FSTL5: variants seen among roughly 807,000 people sequenced by gnomAD.
FSTL5 encodes follistatin like 5, also known as follistatin-related protein 5.
In FSTL5, 62 loss-of-function variants were observed where a neutral mutation model predicts 89.1. That is an observed-to-expected ratio of 0.70 (90% CI 0.57 to 0.86). The LOEUF (loss-of-function observed/expected upper bound fraction) is 0.86, where lower values mean the gene tolerates loss of function less well. Among genes scored for constraint, FSTL5 ranks in the 40% least tolerant of loss-of-function variants. The pLI is 0.00. For missense variants in FSTL5, 1,057 were observed against 1,001.6 expected, an observed-to-expected ratio of 1.06 and a Z score of -0.75; for synonymous variants, 383 against 346.2, an observed-to-expected ratio of 1.11 and a Z score of -1.18.
intron 1 of FSTL5, 103 bp downstream of exon 1, chr4:162,163,512 T>C (rs1447203352): frequency 6.7e-6 from 1 of 149,564 alleles, no homozygotes; most frequent in African/African-American, 2.4e-5. Context: ...AAAAGTCCAG[T>C]TTCAAATTAT....
At chr4:161,798,998 C>T (rs1485945475) in intron 4 of FSTL5, among the ~76,000 whole-genome samples, 1 of 151,554 alleles carries the variant, frequency 6.6e-6, no homozygotes, top group Non-Finnish European at 1.5e-5. Flanking sequence ...AAAAGGTAAA[C>T]CCTATATTAG....
At chr4:161,859,494 T>A (rs28600091) in intron 4 of FSTL5, among the ~76,000 whole-genome samples, 68 of 152,344 alleles carry the variant, frequency 4.5e-4, no homozygotes, top group African/African-American at 1.6e-3. Flanking sequence ...TAATAACTGT[T>A]ACTCTAAAAT....
At chr4:161,950,605 G>A (rs1246917849) in intron 3 of FSTL5, among the ~76,000 whole-genome samples, 1 of 152,096 alleles carries the variant, frequency 6.6e-6, no homozygotes. Flanking sequence ...AGTTTACCTC[G>A]CATGAGTTCT....
chr4:161,472,223 C>T (rs541853940), intron 13 of FSTL5, among the ~76,000 whole-genome samples: 31 of 152,168 alleles, frequency 2.0e-4, no homozygotes, highest in Middle Eastern at 3.4e-3. Context: ...GTGATCTGCC[C>T]GCCTTGGCCT....
At chr4:162,070,535 G>T (rs1729574672) in intron 2 of FSTL5, among the ~76,000 whole-genome samples, 1 of 151,606 alleles carries the variant, frequency 6.6e-6, no homozygotes, top group African/African-American at 2.4e-5. Context: ...GAATATTGTG[G>T]GATATAGGAG....
At chr4:161,532,033 T>A (rs920885225) in intron 10 of FSTL5, among the ~76,000 whole-genome samples, 5 of 151,826 alleles carry the variant, frequency 3.3e-5, no homozygotes, top group African/African-American at 7.3e-5. Flanking sequence ...TGAAACCCCG[T>A]CTCTACTAAA....
chr4:161,506,284 G>A (rs1730480260), intron 11 of FSTL5, among the ~76,000 whole-genome samples: 2 of 151,142 alleles, frequency 1.3e-5, no homozygotes, highest in South Asian at 4.2e-4. Context: ...TATTGCCTAG[G>A]CTGTTCTCAA....
At position 161,542,637 on chromosome 4, in the gene FSTL5, C is replaced by G. The variant is rs2126545138; in HGVS notation, c.1072G>C (p.Ala358Pro). ...ESQAREPGVTASLRCHAEGIP... is the reference protein window; with the variant it reads ...ESQAREPGVTPSLRCHAEGIP... ...CCCTCTGCATGGCACCTAAGACTGG[C>G]AGTTACCCCAGGCTCTCTAGCCTGA... Residue 358 changes from alanine to proline, a missense_variant, in exon 9 of 16, where the codon GCC becomes CCC. Physicochemically the swap from Ala to Pro is conservative, Grantham distance 27 (BLOSUM62 -1). Around this residue, in one of 3 missense-constraint regions of FSTL5, gnomAD observed 980 missense variants for 903.2 expected, o/e 1.08. Transcript: ENST00000306100. 6.4e-7 allele frequency: 1 copy of G among 1,560,932 alleles called. No homozygotes were observed. Among genetic ancestry groups the G allele is most frequent in the South Asian group, 1.2e-5 (1 of 83,858 alleles).
At chr4:161,401,124 A>AT (rs1177488124) in intron 15 of FSTL5, among the ~76,000 whole-genome samples, 1 of 152,194 alleles carries the variant, frequency 6.6e-6, no homozygotes, top group Non-Finnish European at 1.5e-5. Context: ...AGGTATAGTT[A>AT]TTTTAGAGAT....
At chr4:161,843,964 G>T (rs1191548003) in intron 4 of FSTL5, among the ~76,000 whole-genome samples, 1 of 152,064 alleles carries the variant, frequency 6.6e-6, no homozygotes, top group African/African-American at 2.4e-5. Flanking sequence ...TTAAACTAAA[G>T]AGCTTCTGCA....
chr4:161,859,512 A>G (rs550083486), intron 4 of FSTL5, among the ~76,000 whole-genome samples: 16 of 152,366 alleles, frequency 1.1e-4, no homozygotes, highest in African/African-American at 2.9e-4. Context: ...AATAGGAACT[A>G]CTTTATACAT....
chr4:161,673,832 A>T (rs1246431859), intron 6 of FSTL5, among the ~76,000 whole-genome samples: 1 of 151,944 alleles, frequency 6.6e-6, no homozygotes, highest in Non-Finnish European at 1.5e-5. Flanking sequence ...TAGTAATACA[A>T]ATGCTTAAAA....
At chr4:161,982,936 T>C (rs1192822623) in intron 3 of FSTL5, among the ~76,000 whole-genome samples, 1 of 152,296 alleles carries the variant, frequency 6.6e-6, no homozygotes. Flanking sequence ...ATGCATCTCC[T>C]AGGTTTTGGA....
chr4:161,567,157 G>A (rs781454329), intron 8 of FSTL5, among the ~76,000 whole-genome samples: 1 of 151,790 alleles, frequency 6.6e-6, no homozygotes, highest in Non-Finnish European at 1.5e-5. Flanking sequence ...ATTTTAAATT[G>A]AACTACAATT....
chr4:161,867,169 T>A (rs1276405949), intron 4 of FSTL5, among the ~76,000 whole-genome samples: 8 of 152,038 alleles, frequency 5.3e-5, no homozygotes, highest in Admixed American at 2.6e-4. Context: ...ACATATATAT[T>A]TTATATTCAT....
intron 4 of FSTL5, among the ~76,000 whole-genome samples, chr4:161,853,069 C>A (rs1180582654): frequency 1.3e-5 from 2 of 152,134 alleles, no homozygotes; most frequent in Non-Finnish European, 2.9e-5. Flanking sequence ...ATTATTTTAT[C>A]ATTTACTTGA....
chr4:161,777,368 T>C (rs1200202317), intron 4 of FSTL5, among the ~76,000 whole-genome samples: 2 of 151,918 alleles, frequency 1.3e-5, no homozygotes, highest in African/African-American at 4.8e-5. Flanking sequence ...AGTGCAGATA[T>C]CTCTTTGATA....
chr4:162,099,043 A>G (rs1318367722), intron 2 of FSTL5, among the ~76,000 whole-genome samples: 1 of 152,110 alleles, frequency 6.6e-6, no homozygotes, highest in Non-Finnish European at 1.5e-5. Flanking sequence ...ATGATTGTAT[A>G]AATTTTTAGG....
chr4:161,395,317 T>C (rs969322076), intron 15 of FSTL5, among the ~76,000 whole-genome samples: 8 of 151,946 alleles, frequency 5.3e-5, no homozygotes, highest in Non-Finnish European at 1.0e-4. Flanking sequence ...TAATATAAAA[T>C]TAATACATTT....
Sources: allele counts gnomAD v4.1 joint callset (sites outside exome capture counted in the v4.1 genomes callset), GRCh38; gene constraint gnomAD v4.1.1; regional missense constraint gnomAD v4.1.1; transcripts MANE v1.5; gene names NCBI Gene and HGNC (gene_info 2026-07-23, HGNC 2026-07-21).